CADPS2: variants seen among roughly 807,000 people sequenced by gnomAD.
CADPS2 encodes calcium-dependent secretion activator 2.
CADPS2 carries 93 observed loss-of-function variants against 172.5 expected under a neutral mutation model. The observed-to-expected ratio is 0.54, with a 90% confidence interval of 0.46 to 0.64. The LOEUF (loss-of-function observed/expected upper bound fraction) is 0.64, where lower values mean the gene tolerates loss of function less well. CADPS2 is among the 30% of genes least tolerant of loss of function. The pLI is 0.00. For missense variants in CADPS2, 1,420 were observed against 1,565.9 expected, an observed-to-expected ratio of 0.91 and a Z score of 1.57; for synonymous variants, 546 against 555.2, an observed-to-expected ratio of 0.98 and a Z score of 0.23.
At chr7:122,681,736 T>A in intron 2 of CADPS2, 2 of 553,184 alleles carry the variant, frequency 3.6e-6, no homozygotes, top group East Asian at 3.1e-5. Context: ...AAAAAAATAA[T>A]AATAATAATA....
chr7:122,609,689 C>T (rs1284916136), intron 6 of CADPS2, among the ~76,000 whole-genome samples: 3 of 152,286 alleles, frequency 2.0e-5, no homozygotes, highest in South Asian at 2.1e-4. Context: ...GCTGTTTCCT[C>T]CTAATTGCTG....
At chr7:122,502,599 A>G (rs1421017449) in intron 9 of CADPS2, among the ~76,000 whole-genome samples, 2 of 152,112 alleles carry the variant, frequency 1.3e-5, no homozygotes, top group African/African-American at 4.8e-5. Flanking sequence ...TTATTTTGAC[A>G]AAATCTAGAG....
intron 1 of CADPS2, among the ~76,000 whole-genome samples, chr7:122,836,422 C>T (rs982293650): frequency 6.6e-6 from 1 of 151,978 alleles, no homozygotes; most frequent in African/African-American, 2.4e-5. Flanking sequence ...CAAATTCACA[C>T]ATAACAATAT....
chr7:122,345,739 A>G (rs1163991242), intron 27 of CADPS2, 58 bp from the exon 28 acceptor site: 1 of 1,097,244 alleles, frequency 9.1e-7, no homozygotes, highest in African/African-American at 1.6e-5. Context: ...TTGTGAAATT[A>G]TTATTTAATC....
chr7:122,770,702 T>C (rs1472419527), intron 1 of CADPS2, among the ~76,000 whole-genome samples: 2 of 152,182 alleles, frequency 1.3e-5, no homozygotes, highest in Non-Finnish European at 2.9e-5. Context: ...ATGGCCCAGC[T>C]TCTGCATGCT....
At chr7:122,771,368 T>C (rs2190259) in intron 1 of CADPS2, among the ~76,000 whole-genome samples, 32,723 of 152,078 alleles carry the variant, frequency 0.22, 3,772 homozygotes, top group Middle Eastern at 0.31. Flanking sequence ...AAGCTATGGT[T>C]ACTACTATAA....
At chr7:122,811,267 C>A (rs998706469) in intron 1 of CADPS2, among the ~76,000 whole-genome samples, 1 of 152,252 alleles carries the variant, frequency 6.6e-6, no homozygotes, top group Non-Finnish European at 1.5e-5. Flanking sequence ...AAATAAATTA[C>A]AAAGGTCCTT....
chr7:122,787,762 T>C (rs1245717500), intron 1 of CADPS2, among the ~76,000 whole-genome samples: 1 of 152,214 alleles, frequency 6.6e-6, no homozygotes, highest in Non-Finnish European at 1.5e-5. Context: ...CCAGGATACT[T>C]GGTATTAGCT....
intron 1 of CADPS2, among the ~76,000 whole-genome samples, chr7:122,853,674 G>GTA (rs1814341289): frequency 6.6e-6 from 1 of 152,192 alleles, no homozygotes; most frequent in African/African-American, 2.4e-5. Flanking sequence ...GAATGTACAT[G>GTA]TATGTAACTG....
At chr7:122,766,889 T>G (rs962711541) in intron 1 of CADPS2, among the ~76,000 whole-genome samples, 1 of 152,128 alleles carries the variant, frequency 6.6e-6, no homozygotes, top group African/African-American at 2.4e-5. Flanking sequence ...CTCATATTCT[T>G]CAAAGCTGTA....
intron 14 of CADPS2, among the ~76,000 whole-genome samples, chr7:122,462,978 C>CA: frequency 6.6e-6 from 1 of 152,226 alleles, no homozygotes; most frequent in South Asian, 2.1e-4. Context: ...AAACCAGCTT[C>CA]AAAATATACA....
At chr7:122,574,718 G>T (rs1181650589) in intron 7 of CADPS2, among the ~76,000 whole-genome samples, 1 of 151,750 alleles carries the variant, frequency 6.6e-6, no homozygotes, top group Admixed American at 6.6e-5. Flanking sequence ...ACACACATAC[G>T]CAAATGCATA....
chr7:122,575,442 CT>C (rs140893372), intron 7 of CADPS2, among the ~76,000 whole-genome samples: 193 of 142,982 alleles, frequency 1.3e-3, no homozygotes, highest in Non-Finnish European at 1.3e-3. Context: ...TCTTCTTTTC[CT>C]TTTTTTTTTT....
intron 1 of CADPS2, among the ~76,000 whole-genome samples, chr7:122,762,329 C>G (rs2093416653): frequency 6.6e-6 from 1 of 151,942 alleles, no homozygotes; most frequent in South Asian, 2.1e-4. Flanking sequence ...TAATAAAAAG[C>G]AAGTCATTAA....
intron 1 of CADPS2, among the ~76,000 whole-genome samples, chr7:122,862,239 T>A (rs1817126684): frequency 6.6e-6 from 1 of 152,196 alleles, no homozygotes; most frequent in Admixed American, 6.5e-5. Flanking sequence ...AGACAAAACA[T>A]CCCAGTCTGG....
At chr7:122,846,188 G>A (rs2141007745) in intron 1 of CADPS2, among the ~76,000 whole-genome samples, 1 of 152,072 alleles carries the variant, frequency 6.6e-6, no homozygotes, top group South Asian at 2.1e-4. Flanking sequence ...AAGTGATAAA[G>A]GTATTACAAA....
chr7:122,837,638 A>T (rs1372839688), intron 1 of CADPS2, among the ~76,000 whole-genome samples: 2 of 152,212 alleles, frequency 1.3e-5, no homozygotes, highest in Non-Finnish European at 2.9e-5. Flanking sequence ...CCATCAGAGA[A>T]TACTATAAAC....
intron 11 of CADPS2, among the ~76,000 whole-genome samples, chr7:122,481,968 G>A (rs778570078): frequency 5.4e-4 from 82 of 152,200 alleles, no homozygotes; most frequent in Non-Finnish European, 9.8e-4. Context: ...GGAGGCAGAG[G>A]TTCAGTGAGG....
At chr7:122,775,470 G>A (rs1483542619) in intron 1 of CADPS2, among the ~76,000 whole-genome samples, 2 of 152,142 alleles carry the variant, frequency 1.3e-5, no homozygotes, top group Non-Finnish European at 2.9e-5. Context: ...AAAACTCAGA[G>A]CCCAGGAAAT....
Sources: allele counts gnomAD v4.1 joint callset (sites outside exome capture counted in the v4.1 genomes callset), GRCh38; gene constraint gnomAD v4.1.1; transcripts MANE v1.5; gene names NCBI Gene and HGNC (gene_info 2026-07-23, HGNC 2026-07-21).